Variants in PARVA observed in about 807,000 individuals in gnomAD.
PARVA encodes alpha-parvin.
In PARVA, 25 loss-of-function variants were observed where a neutral mutation model predicts 52.6. The observed-to-expected ratio is 0.48, with a 90% CI of 0.35 to 0.66. The LOEUF is 0.66. Ranked by LOEUF, PARVA falls within the 30% of genes least tolerant of loss-of-function variation. The pLI is 0.01. For synonymous variants in PARVA, 185 were observed against 179.1 expected (o/e 1.03, Z -0.26); for missense variants, 373 against 450.9 (o/e 0.83, Z 1.56).
intron 1 of PARVA, among the ~76,000 whole-genome samples, chr11:12,450,054 T>C (rs1306814874): frequency 6.6e-6 from 1 of 152,236 alleles, no homozygotes; most frequent in Non-Finnish European, 1.5e-5. Context: ...ATTGTTGTTA[T>C]CCCATTTTAC....
chr11:12,431,456 A>T (rs1330824394), intron 1 of PARVA, among the ~76,000 whole-genome samples: 6 of 152,200 alleles, frequency 3.9e-5, no homozygotes, highest in Non-Finnish European at 7.4e-5. Context: ...AATAGAGAAG[A>T]ACTTAGCAGC....
intron 1 of PARVA, among the ~76,000 whole-genome samples, chr11:12,378,626 T>C (rs1939441353): frequency 6.7e-6 from 1 of 149,810 alleles, no homozygotes; most frequent in South Asian, 2.1e-4. Flanking sequence ...TATTTTTTTT[T>C]CCCATGCACA....
At chr11:12,526,030 C>T (rs1189358110) in intron 12 of PARVA, among the ~76,000 whole-genome samples, 1 of 152,062 alleles carries the variant, frequency 6.6e-6, no homozygotes, top group East Asian at 1.9e-4. Flanking sequence ...AGGCTAAATA[C>T]AGAGTGATAT....
chr11:12,508,971 T>C (rs986178053), intron 7 of PARVA, among the ~76,000 whole-genome samples: 1 of 152,114 alleles, frequency 6.6e-6, no homozygotes, highest in African/African-American at 2.4e-5. Flanking sequence ...TTTAAATTGT[T>C]AACCTTCAAA....
chr11:12,499,322 C>T lies in PARVA; in HGVS notation c.541+2724C>T, dbSNP rs2135062510. Among the ~76,000 whole-genome samples the T allele has an allele frequency of 1.3e-5, 2 of 152,206 alleles. 1 individual carries two copies. Among genetic ancestry groups the T allele is most frequent in the Middle Eastern group, 6.8e-3 (2 of 294 alleles). ...AAGCTCTGTCTCCTCTCTCAGTTAC[C>T]TTCCGTGGATGTAAACCTGAGGACA... On this transcript the variant is annotated intron_variant, in intron 5 of 12. Coordinates refer to ENST00000334956, the MANE Select transcript of PARVA (RefSeq NM_018222.5).
intron 1 of PARVA, 86 bp from the exon 2 acceptor site, chr11:12,473,653 CTCAATG>C (rs1940963107): frequency 1.1e-6 from 1 of 943,400 alleles, no homozygotes; most frequent in African/African-American, 1.6e-5. Flanking sequence ...GGGTTTTTTT[CTCAATG>C]TCAATATCGA....
At chr11:12,462,454 G>A (rs533413271) in intron 1 of PARVA, among the ~76,000 whole-genome samples, 69 of 152,300 alleles carry the variant, frequency 4.5e-4, no homozygotes, top group Non-Finnish European at 7.5e-4. Context: ...AATGAGGGCA[G>A]CCTCCAGATG....
intron 1 of PARVA, among the ~76,000 whole-genome samples, chr11:12,451,176 C>A (rs774001067): frequency 6.6e-6 from 1 of 152,200 alleles, no homozygotes; most frequent in Non-Finnish European, 1.5e-5. Flanking sequence ...AAAACTGCCC[C>A]ATGAGAGGAT....
At chr11:12,464,821 C>A (rs1940832814) in intron 1 of PARVA, among the ~76,000 whole-genome samples, 1 of 152,154 alleles carries the variant, frequency 6.6e-6, no homozygotes, top group African/African-American at 2.4e-5. Context: ...GAGCACTCTA[C>A]CTGGATTAAT....
At chr11:12,461,820 C>T (rs1421619747) in intron 1 of PARVA, among the ~76,000 whole-genome samples, 3 of 152,164 alleles carry the variant, frequency 2.0e-5, no homozygotes, top group Non-Finnish European at 2.9e-5. Flanking sequence ...CTGCTGTCAG[C>T]TCCCATCACA....
At chr11:12,520,672 A>G (rs1941625523) in intron 12 of PARVA, among the ~76,000 whole-genome samples, 1 of 152,188 alleles carries the variant, frequency 6.6e-6, no homozygotes, top group Non-Finnish European at 1.5e-5. Context: ...AATAATGGCC[A>G]GGCATGGAAG....
At chr11:12,507,438 T>C (rs939339173) in intron 6 of PARVA, among the ~76,000 whole-genome samples, 2 of 152,194 alleles carry the variant, frequency 1.3e-5, no homozygotes, top group Non-Finnish European at 2.9e-5. Context: ...TCAGCTCCCA[T>C]GCCCACACAG....
At chr11:12,527,418 C>T (rs571608290) in intron 12 of PARVA, among the ~76,000 whole-genome samples, 5 of 152,288 alleles carry the variant, frequency 3.3e-5, no homozygotes, top group African/African-American at 1.2e-4. Flanking sequence ...TTAATCGGAA[C>T]CTGTCTGTCC....
intron 4 of PARVA, among the ~76,000 whole-genome samples, chr11:12,493,074 G>A (rs1941252387): frequency 6.6e-6 from 1 of 152,108 alleles, no homozygotes; most frequent in Admixed American, 6.5e-5. Flanking sequence ...AGAAAGAGAA[G>A]GCTGAGTGTG....
chr11:12,382,670 A>G (rs1191109261), intron 1 of PARVA, among the ~76,000 whole-genome samples: 1 of 152,206 alleles, frequency 6.6e-6, no homozygotes, highest in Non-Finnish European at 1.5e-5. Context: ...AAACAGTGTT[A>G]GAGTCCAAGA....
At position 12,485,528 on chromosome 11, in the gene PARVA, T is replaced by G. The variant is rs186086679; in HGVS notation, c.400+7579T>G. Among the ~76,000 whole-genome samples, 606 of 152,096 alleles carry G rather than the reference T, an allele frequency of 4.0e-3. 1 individual carries two copies. The highest frequency in any genetic ancestry group is 6.8e-3 in the Non-Finnish European group (459 of 67,992). On this transcript the variant is annotated intron_variant, in intron 4 of 12. Coordinates refer to ENST00000334956, the MANE Select transcript of PARVA (RefSeq NM_018222.5). ...ATGTCCAAAACCAACCTGAGGGAGC[T>G]CCCAGTGGCCAAAGCTGGAATTATT...
At chr11:12,418,843 C>T (rs1296058807) in intron 1 of PARVA, among the ~76,000 whole-genome samples, 2 of 152,112 alleles carry the variant, frequency 1.3e-5, no homozygotes, top group African/African-American at 2.4e-5. Flanking sequence ...CAATAATAAC[C>T]ATTATTGCTG....
upstream of PARVA, chr11:12,377,045 G>C (rs1939398419): frequency 6.5e-6 from 1 of 153,932 alleles, no homozygotes; most frequent in African/African-American, 2.4e-5. Flanking sequence ...GTAGAGACGA[G>C]GAGGTTGACG....
intron 1 of PARVA, among the ~76,000 whole-genome samples, chr11:12,384,055 G>A (rs1425623864): frequency 6.6e-6 from 1 of 152,114 alleles, no homozygotes; most frequent in East Asian, 1.9e-4. Flanking sequence ...CTCCCCACCT[G>A]CCCTAGTCCC....
Sources: allele counts gnomAD v4.1 joint callset (sites outside exome capture counted in the v4.1 genomes callset), GRCh38; gene constraint gnomAD v4.1.1; transcripts MANE v1.5; gene names NCBI Gene and HGNC (gene_info 2026-07-23, HGNC 2026-07-21).